NIPBL: variants seen among roughly 807,000 people sequenced by gnomAD.
NIPBL encodes NIPBL cohesin loading factor, also known as nipped-B-like protein.
Under a neutral mutation model 321.8 loss-of-function variants are expected in NIPBL, and 19 were observed. That is an observed-to-expected ratio of 0.06 (90% CI 0.04 to 0.09). The LOEUF is 0.09. NIPBL is among the 10% of genes least tolerant of loss of function. NIPBL has a pLI of 1.00. For synonymous variants in NIPBL, 1,106 were observed against 1,114.1 expected (o/e 0.99, Z 0.14); for missense variants, 2,210 against 3,327.0 (o/e 0.66, Z 8.26).
At chr5:36,909,752 A>T (rs777253145) in intron 1 of NIPBL, among the ~76,000 whole-genome samples, 10 of 152,188 alleles carry the variant, frequency 6.6e-5, no homozygotes, top group Non-Finnish European at 1.5e-4. Flanking sequence ...TATCCTGAAT[A>T]AATTTTTAAC....
chr5:36,980,164 A>G (rs1743970165), intron 9 of NIPBL, among the ~76,000 whole-genome samples: 1 of 151,788 alleles, frequency 6.6e-6, no homozygotes, highest in Non-Finnish European at 1.5e-5. Context: ...AAATAGAACA[A>G]AGTCAACAGA....
chr5:37,026,955 A>G (rs763534717), intron 31 of NIPBL, among the ~76,000 whole-genome samples: 6 of 152,012 alleles, frequency 3.9e-5, no homozygotes, highest in Admixed American at 6.5e-5. Flanking sequence ...TGTATATTCA[A>G]TTACATCATC....
intron 20 of NIPBL, 66 bp from the exon 21 acceptor site, chr5:37,010,021 G>T: frequency 8.0e-7 from 1 of 1,257,494 alleles, no homozygotes; most frequent in South Asian, 1.2e-5. Context: ...GAAACTTTCA[G>T]ACAATAGATG....
chr5:36,961,410 A>T (rs1561082236), intron 4 of NIPBL, 74 bp from the exon 5 acceptor site: 1 of 910,182 alleles, frequency 1.1e-6, no homozygotes, highest in Non-Finnish European at 1.8e-6. Flanking sequence ...TGAAAGAATA[A>T]CTGATTTCAG....
At chr5:37,012,297 G>A (rs1448577101) in intron 21 of NIPBL, among the ~76,000 whole-genome samples, 2 of 150,358 alleles carry the variant, frequency 1.3e-5, no homozygotes, top group Non-Finnish European at 3.0e-5. Context: ...CTACAGGCAC[G>A]CGCCACCATG....
intron 1 of NIPBL, among the ~76,000 whole-genome samples, chr5:36,880,564 G>C (rs189145434): frequency 3.9e-5 from 6 of 152,036 alleles, no homozygotes; most frequent in Non-Finnish European, 8.8e-5. Context: ...CCATAAAAAT[G>C]AATGGGAAAT....
At chr5:36,904,495 G>C (rs1226070744) in intron 1 of NIPBL, among the ~76,000 whole-genome samples, 2 of 152,036 alleles carry the variant, frequency 1.3e-5, no homozygotes, top group Non-Finnish European at 2.9e-5. Context: ...GTTATGTATT[G>C]CCATGTAACA....
chr5:36,912,188 A>G (rs1444347265), intron 1 of NIPBL, among the ~76,000 whole-genome samples: 2 of 152,190 alleles, frequency 1.3e-5, no homozygotes, highest in Non-Finnish European at 2.9e-5. Context: ...GATAAAATTG[A>G]TAGGCTTGGT....
chr5:36,922,012 G>A (rs903597907), intron 1 of NIPBL, among the ~76,000 whole-genome samples: 3 of 151,426 alleles, frequency 2.0e-5, no homozygotes, highest in East Asian at 1.9e-4. Flanking sequence ...CCAGCCTCCC[G>A]AGTAGCTGGG....
Position 36,876,825 on chromosome 5 carries a change from C to A in NIPBL, c.-433C>A. 1 of 336,610 alleles carries A rather than the reference C, an allele frequency of 3.0e-6. No homozygotes were observed. The highest frequency in any genetic ancestry group is 1.5e-4 in the South Asian group (1 of 6,780). 20.9% of individuals were successfully genotyped at this position (336,610 alleles called of 1,614,324 possible). ...AGAGAGACACACACAGGGCTCCTTC[C>A]CCCCGCCCTCCCCCCCCTCCCTCCG... On this transcript the variant is annotated 5_prime_UTR_variant, in exon 1 of 47. Transcript: ENST00000282516.
At position 37,066,029 on chromosome 5, in the gene NIPBL, AAG is replaced by A. The variant is rs1375794308; in HGVS notation, c.*1140_*1141del. On this transcript the variant is annotated 3_prime_UTR_variant, in exon 47 of 47. Transcript: ENST00000282516. ...TCACAAATTATTTTTTAATGCTGAA[AAG>A]AGTAATTTTACTTGTTGAGATGTTT... 3 of 152,190 alleles carry A rather than the reference AAG, an allele frequency of 2.0e-5. No individual in the cohort carries two copies. The highest frequency in any genetic ancestry group is 2.9e-5 in the Non-Finnish European group (2 of 68,008). The allele number at this position is 152,190 out of a possible 1,614,324, so 9.4% of individuals were successfully genotyped here.
intron 32 of NIPBL, among the ~76,000 whole-genome samples, chr5:37,032,584 A>G (rs1751190743): frequency 6.6e-6 from 1 of 152,058 alleles, no homozygotes. Flanking sequence ...AACCTGGACA[A>G]TGTACTGAGA....
chr5:36,975,171 G>A (rs1743302127), intron 8 of NIPBL, among the ~76,000 whole-genome samples: 1 of 152,014 alleles, frequency 6.6e-6, no homozygotes, highest in African/African-American at 2.4e-5. Context: ...TGTGAATGAT[G>A]TTAAGGGAGA....
chr5:36,996,924 G>A lies in NIPBL; in HGVS notation c.3304+1120G>A, dbSNP rs1026743304. 4 of 163,076 alleles carry A rather than the reference G, an allele frequency of 2.5e-5. No individual in the cohort carries two copies. The highest frequency in any genetic ancestry group is 9.7e-5 in the African/African-American group (4 of 41,426). 10.1% of individuals were successfully genotyped at this position (163,076 alleles called of 1,614,324 possible). On this transcript the variant is annotated intron_variant, in intron 11 of 46. Transcript: ENST00000282516. This position sits in a 1 kb window ranked among gnomAD's most constrained non-coding sequence, Gnocchi z 5.0. ...GATTTTTTTTTAATTGTGAGCTCTTGAGCTATGAGCAGTAGACTATGAATA... is the reference window on the plus strand; with the variant it reads ...GATTTTTTTTTAATTGTGAGCTCTTAAGCTATGAGCAGTAGACTATGAATA...
At chr5:37,047,586 G>A (rs913728030) in intron 38 of NIPBL, among the ~76,000 whole-genome samples, 8 of 152,116 alleles carry the variant, frequency 5.3e-5, no homozygotes, top group African/African-American at 1.4e-4. Context: ...TAATTTATAC[G>A]GAGTGGCAAA....
chr5:36,985,701 C>G lies in NIPBL; in HGVS notation c.2521C>G (p.Arg841Gly), dbSNP rs797045752. 3 of 1,613,680 alleles carry G rather than the reference C, an allele frequency of 1.9e-6. No homozygotes were observed. Among genetic ancestry groups the G allele is most frequent in the Non-Finnish European group, 2.5e-6 (3 of 1,179,886 alleles). ...ERHRGDQSRV[R>G]RPETLRSSSR... ...ACATCGAGGGGATCAGTCTAGGGTTCGAAGACCAGAAACATTGAGATCCTC... is the reference window on the plus strand; with the variant it reads ...ACATCGAGGGGATCAGTCTAGGGTTGGAAGACCAGAAACATTGAGATCCTC... The change falls in exon 10 of 47, where the codon CGA becomes GGA. Residue 841 changes from arginine to glycine, a missense_variant. Arg to Gly is a moderately radical substitution (Grantham distance 125). Around this residue, in one of 14 missense-constraint regions of NIPBL, gnomAD observed 588 missense variants for 564.1 expected, o/e 1.04. Coordinates refer to ENST00000282516, the MANE Select transcript of NIPBL (RefSeq NM_133433.4).
intron 37 of NIPBL, among the ~76,000 whole-genome samples, 185 bp from the exon 38 acceptor site, chr5:37,045,924 C>G (rs1248062462): frequency 2.0e-5 from 3 of 152,172 alleles, no homozygotes; most frequent in Admixed American, 2.0e-4. Context: ...CATTCCGAAA[C>G]AAGCTTCTTT....
intron 44 of NIPBL, among the ~76,000 whole-genome samples, 189 bp from the exon 45 acceptor site, chr5:37,060,655 G>A (rs1754570688): frequency 6.6e-6 from 1 of 152,188 alleles, no homozygotes; most frequent in African/African-American, 2.4e-5. Flanking sequence ...GGAGCAACTA[G>A]TAGAAAGAGG....
Position 36,953,780 on chromosome 5 carries a change from CTAATT to C in NIPBL, c.64+24_64+28del. Reference sequence around the variant, plus strand: ...CAGACCGTAAGTTTGGTTAATTTATCTAATTTAAGTTCTACTGTGTGTTAACAATA... The same window carrying C: ...CAGACCGTAAGTTTGGTTAATTTATCTAAGTTCTACTGTGTGTTAACAATA... On this transcript the variant is annotated intron_variant, in intron 2 of 46. Coordinates refer to ENST00000282516, the MANE Select transcript of NIPBL (RefSeq NM_133433.4). 6.3e-7 allele frequency: 1 copy of C among 1,587,446 alleles called. No homozygotes were observed. The highest frequency in any genetic ancestry group is 8.7e-7 in the Non-Finnish European group (1 of 1,155,722).
Sources: gnomAD v4.1 joint callset for allele counts (sites outside exome capture counted in the v4.1 genomes callset) on GRCh38, gnomAD v4.1.1 for gene constraint, gnomAD v4.1.1 regional missense constraint, Gnocchi (gnomAD v3.1) non-coding constraint, MANE v1.5 for transcripts, NCBI Gene and HGNC (gene_info 2026-07-23, HGNC 2026-07-21) for gene names.